The following MKLN1 variants were observed in gnomAD, a reference collection of about 807,000 sequenced individuals.
MKLN1 encodes the protein muskelin.
Under a neutral mutation model 99.0 loss-of-function variants are expected in MKLN1, and 18 were observed. The ratio of observed to expected loss-of-function variants is 0.18; its 90% CI spans 0.13 to 0.27. The LOEUF (loss-of-function observed/expected upper bound fraction) is 0.27. Ranked by LOEUF, MKLN1 falls within the 10% of genes least tolerant of loss-of-function variation. The pLI is 1.00. For missense variants in MKLN1, 621 were observed against 875.9 expected (o/e 0.71, Z 3.67); for synonymous variants, 288 against 293.2 (o/e 0.98, Z 0.18).
At position 131,267,070 on chromosome 7, in the gene MKLN1, C is replaced by T. The variant is rs534453586; in HGVS notation, c.-179+64096C>T. Among the ~76,000 whole-genome samples, 8 of 152,132 alleles carry T rather than the reference C, an allele frequency of 5.3e-5. No individual in the cohort carries two copies. In the East Asian group the frequency reaches 7.8e-4, roughly 15 times the overall value. ...CTTTCCGGCTGGGCGTGGTAGCTCACGCCTGTAATCCTAGCACTTTGGGAG... is the reference window on the plus strand; with the variant it reads ...CTTTCCGGCTGGGCGTGGTAGCTCATGCCTGTAATCCTAGCACTTTGGGAG... On this transcript the variant is annotated intron_variant, in intron 3 of 7. Transcript: ENST00000416992.
intron 1 of MKLN1, among the ~76,000 whole-genome samples, chr7:131,342,543 C>T (rs961934229): frequency 4.6e-5 from 7 of 152,188 alleles, no homozygotes; most frequent in African/African-American, 1.7e-4. Context: ...AGCAGTGAAA[C>T]TTGTTTATGA....
intron 2 of MKLN1, among the ~76,000 whole-genome samples, chr7:131,192,229 C>CTG (rs1563247574): frequency 5.8e-4 from 36 of 61,640 alleles, no homozygotes; most frequent in African/African-American, 2.9e-3. Context: ...AAAATATATA[C>CTG]AATATATAAA....
At chr7:131,388,405 A>G (rs1381932198) in intron 3 of MKLN1, among the ~76,000 whole-genome samples, 2 of 152,210 alleles carry the variant, frequency 1.3e-5, no homozygotes, top group Non-Finnish European at 1.5e-5. Flanking sequence ...TATTAAGCCA[A>G]CAGAGTAAGG....
chr7:131,352,838 T>C (rs887211184), intron 1 of MKLN1, among the ~76,000 whole-genome samples: 3 of 152,220 alleles, frequency 2.0e-5, no homozygotes, highest in African/African-American at 7.2e-5. Flanking sequence ...GATTCCTGTT[T>C]TTGTTTCTGC....
At chr7:131,392,602 C>CT (rs772614936) in intron 4 of MKLN1, among the ~76,000 whole-genome samples, 2,708 of 134,498 alleles carry the variant, frequency 0.02, 41 homozygotes, top group African/African-American at 0.052. Flanking sequence ...CTCAGAACCT[C>CT]TTTTTTTTTT....
chr7:131,224,887 C>A (rs1484240278), intron 3 of MKLN1, among the ~76,000 whole-genome samples: 3 of 151,274 alleles, frequency 2.0e-5, no homozygotes, highest in South Asian at 4.1e-4. Flanking sequence ...TCCTGGCTAA[C>A]ATGGTGAAAC....
intron 8 of MKLN1, among the ~76,000 whole-genome samples, chr7:131,417,693 A>T (rs1203349051): frequency 6.6e-6 from 1 of 152,142 alleles, no homozygotes; most frequent in East Asian, 1.9e-4. Context: ...TGTTTCCAAG[A>T]AGAGCTATCT....
At chr7:131,234,641 T>C (rs1344740626) in intron 3 of MKLN1, among the ~76,000 whole-genome samples, 1 of 152,232 alleles carries the variant, frequency 6.6e-6, no homozygotes, top group African/African-American at 2.4e-5. Context: ...TTGCTTTACA[T>C]TTTAACTCTC....
At position 131,487,196 on chromosome 7, in the gene MKLN1, G is replaced by A. The variant is rs765098055; in HGVS notation, c.2087-411G>A. Among the ~76,000 whole-genome samples the A allele has an allele frequency of 6.6e-6, 1 of 152,032 alleles. No individual in the cohort carries two copies. The highest frequency in any genetic ancestry group is 2.4e-5 in the African/African-American group (1 of 41,384). ...AAAAAACTTTTTTAGTGGTTCAGAA[G>A]CATTAACAAGTCAGAAAAGACAAGT... On this transcript the variant is annotated intron_variant, in intron 17 of 17. Coordinates refer to ENST00000352689, the MANE Select transcript of MKLN1 (RefSeq NM_013255.5). This position sits in a 1 kb window ranked among gnomAD's most constrained non-coding sequence, Gnocchi z 4.7.
chr7:131,225,064 G>C (rs919828055), intron 3 of MKLN1, among the ~76,000 whole-genome samples: 4 of 147,808 alleles, frequency 2.7e-5, no homozygotes, highest in Non-Finnish European at 4.5e-5. Flanking sequence ...CAGAGAGACT[G>C]TGTCTCAAAA....
chr7:131,448,694 A>C (rs1210121363), intron 12 of MKLN1, among the ~76,000 whole-genome samples: 1 of 152,238 alleles, frequency 6.6e-6, no homozygotes, highest in Non-Finnish European at 1.5e-5. Flanking sequence ...ATTAGAAAAG[A>C]CAAATGGATT....
intron 2 of MKLN1, among the ~76,000 whole-genome samples, chr7:131,157,132 C>A (rs1338032750): frequency 6.6e-6 from 1 of 152,210 alleles, no homozygotes; most frequent in Non-Finnish European, 1.5e-5. Flanking sequence ...GTAATCCCAG[C>A]ACTTTGGGAT....
intron 3 of MKLN1, among the ~76,000 whole-genome samples, chr7:131,248,473 C>T (rs966158073): frequency 1.3e-5 from 2 of 152,122 alleles, no homozygotes; most frequent in African/African-American, 4.8e-5. Context: ...TATTGACTCT[C>T]ATCCATTTGC....
chr7:131,252,962 T>C (rs2116519341), intron 3 of MKLN1, among the ~76,000 whole-genome samples: 1 of 152,284 alleles, frequency 6.6e-6, no homozygotes, highest in East Asian at 1.9e-4. Flanking sequence ...CAAATGTTGT[T>C]AGCAGTCAAG....
chr7:131,207,755 A>G (rs1483099715), intron 3 of MKLN1, among the ~76,000 whole-genome samples: 1 of 152,174 alleles, frequency 6.6e-6, no homozygotes, highest in East Asian at 1.9e-4. Flanking sequence ...GGTCTGGAAA[A>G]GGCTGAGAGG....
chr7:131,321,406 A>G (rs575880001), intron 3 of MKLN1, among the ~76,000 whole-genome samples: 1 of 152,210 alleles, frequency 6.6e-6, no homozygotes, highest in African/African-American at 2.4e-5. Flanking sequence ...AAGAACATTA[A>G]ACACCGGGGC....
At chr7:131,386,413 C>A (rs992040205) in intron 2 of MKLN1, among the ~76,000 whole-genome samples, 1 of 152,090 alleles carries the variant, frequency 6.6e-6, no homozygotes, top group South Asian at 2.1e-4. Flanking sequence ...TATTCTTAAC[C>A]GTCTTTATCA....
chr7:131,400,518 A>AAAAAAATATATATATAT (rs527702723), intron 6 of MKLN1, among the ~76,000 whole-genome samples: 2 of 137,436 alleles, frequency 1.5e-5, no homozygotes, highest in African/African-American at 5.6e-5. Flanking sequence ...ATAAAAAAAA[A>AAAAAAATATATATATAT]ATATATATAT....
At chr7:131,113,912 T>A (rs575421818) in intron 1 of MKLN1, among the ~76,000 whole-genome samples, 1 of 152,126 alleles carries the variant, frequency 6.6e-6, no homozygotes, top group South Asian at 2.1e-4. Context: ...TCAGATCTCA[T>A]GAGAACTCCC....
Sources: gnomAD v4.1 joint callset for allele counts (sites outside exome capture counted in the v4.1 genomes callset) on GRCh38, gnomAD v4.1.1 for gene constraint, Gnocchi (gnomAD v3.1) non-coding constraint, MANE v1.5 for transcripts, NCBI Gene and HGNC (gene_info 2026-07-23, HGNC 2026-07-21) for gene names.